PKNOX2: variants seen among roughly 807,000 people sequenced by gnomAD.
PKNOX2 encodes the protein PBX/knotted 1 homeobox 2.
Under a neutral mutation model 53.1 loss-of-function variants are expected in PKNOX2, and 14 were observed. The ratio of observed to expected loss-of-function variants is 0.26; its 90% CI spans 0.17 to 0.41. The LOEUF (loss-of-function observed/expected upper bound fraction) is 0.41. Ranked by LOEUF, PKNOX2 falls within the 10% of genes least tolerant of loss-of-function variation. The pLI is 1.00. For missense variants in PKNOX2, 496 were observed against 602.8 expected (o/e 0.82, Z 1.85); for synonymous variants, 257 against 242.8 (o/e 1.06, Z -0.54).
At chr11:125,334,966 G>A (rs1285499207) in intron 3 of PKNOX2, among the ~76,000 whole-genome samples, 1 of 152,054 alleles carries the variant, frequency 6.6e-6, no homozygotes, top group East Asian at 1.9e-4. Flanking sequence ...ACCTCATGGG[G>A]CTTCTGTGCA....
chr11:125,231,718 T>TGG lies in PKNOX2; in HGVS notation c.-200-3322_-200-3321dup, dbSNP rs1432042594. 6.1e-4 allele frequency among the ~76,000 whole-genome samples: 93 copies of TGG among 151,552 alleles called. 1 individual carries two copies. Among genetic ancestry groups the TGG allele is most frequent in the Middle Eastern group, 3.4e-3 (1 of 294 alleles). ...ATGTGCTTACACACACAGGTGTGTG[T>TGG]GGGGGGTGTGTGTGTGTGTGTGGAG... On this transcript the variant is annotated intron_variant, in intron 1 of 12. Transcript: ENST00000298282.
intron 5 of PKNOX2, among the ~76,000 whole-genome samples, chr11:125,384,998 C>A (rs1240775953): frequency 6.6e-6 from 1 of 152,080 alleles, no homozygotes; most frequent in Admixed American, 6.5e-5. Context: ...CTGAGTCTAC[C>A]AAGACTCAGG....
chr11:125,169,449 G>A (rs1445851308), intron 1 of PKNOX2, among the ~76,000 whole-genome samples: 2 of 152,142 alleles, frequency 1.3e-5, no homozygotes, highest in Non-Finnish European at 2.9e-5. Context: ...GGTGGGAAAG[G>A]GAGGAAGGAG....
chr11:125,178,609 G>GGAAGGAAA (rs1555108355), intron 1 of PKNOX2, among the ~76,000 whole-genome samples: 15 of 46,258 alleles, frequency 3.2e-4, no homozygotes, highest in Admixed American at 4.3e-4. Flanking sequence ...AAGGAAGGAA[G>GGAAGGAAA]GAAAGAAAGA....
chr11:125,297,813 C>T (rs898252053), intron 2 of PKNOX2, among the ~76,000 whole-genome samples: 1 of 152,202 alleles, frequency 6.6e-6, no homozygotes, highest in African/African-American at 2.4e-5. Flanking sequence ...AGGCTCAGCT[C>T]AGCGTCATCT....
intron 9 of PKNOX2, 175 bp downstream of exon 9, chr11:125,411,051 A>G (rs570367266): frequency 3.4e-5 from 20 of 586,180 alleles, no homozygotes; most frequent in Middle Eastern, 6.8e-4. Flanking sequence ...GGTTTTATCA[A>G]CTCCTGGGAT....
chr11:125,387,773 G>A (rs73027822), intron 6 of PKNOX2, among the ~76,000 whole-genome samples: 12,783 of 152,184 alleles, frequency 0.084, 752 homozygotes, highest in Non-Finnish European at 0.13. Context: ...GGGTGCACCT[G>A]ATTTATCTAG....
chr11:125,221,941 T>A (rs1443842422), intron 1 of PKNOX2, among the ~76,000 whole-genome samples: 3 of 152,322 alleles, frequency 2.0e-5, no homozygotes, highest in African/African-American at 7.2e-5. Context: ...GTTGCGTACC[T>A]GAGGCAGAGA....
intron 2 of PKNOX2, among the ~76,000 whole-genome samples, chr11:125,295,430 ATG>A (rs1423731873): frequency 1.3e-5 from 2 of 152,178 alleles, no homozygotes; most frequent in Admixed American, 1.3e-4. Context: ...GTGTGTGTGC[ATG>A]TGTCCATACA....
At chr11:125,419,552 T>G (rs897858755) in intron 10 of PKNOX2, among the ~76,000 whole-genome samples, 1 of 151,876 alleles carries the variant, frequency 6.6e-6, no homozygotes, top group Non-Finnish European at 1.5e-5. Context: ...TCATACTGTC[T>G]GAAATTCCAC....
chr11:125,345,003 A>G (rs1429831649), intron 3 of PKNOX2, among the ~76,000 whole-genome samples: 1 of 152,076 alleles, frequency 6.6e-6, no homozygotes, highest in East Asian at 1.9e-4. Context: ...GCCCCACTCC[A>G]AGCCTGACCT....
At chr11:125,357,743 G>C (rs930486639) in intron 4 of PKNOX2, among the ~76,000 whole-genome samples, 2 of 152,042 alleles carry the variant, frequency 1.3e-5, no homozygotes, top group African/African-American at 4.8e-5. Context: ...TGAAGTCTGT[G>C]GTCTGAAGAG....
chr11:125,232,341 T>G (rs1469937876), intron 1 of PKNOX2, among the ~76,000 whole-genome samples: 3 of 152,356 alleles, frequency 2.0e-5, no homozygotes, highest in African/African-American at 7.2e-5. Context: ...ACAGCAGAGA[T>G]AGCTAACATT....
At chr11:125,186,497 A>G (rs1047215330) in intron 1 of PKNOX2, among the ~76,000 whole-genome samples, 9 of 152,044 alleles carry the variant, frequency 5.9e-5, no homozygotes, top group Admixed American at 1.3e-4. Flanking sequence ...ACCAAAAAAT[A>G]AAAAATTAGC....
In PKNOX2 at chr11:125,165,898, G is replaced by T. The variant is rs944725017; in HGVS notation, c.-201+1122G>T. Among the ~76,000 whole-genome samples, 2 of 152,204 alleles carry T rather than the reference G, an allele frequency of 1.3e-5. No homozygotes were observed. Among genetic ancestry groups the T allele is most frequent in the Non-Finnish European group, 2.9e-5 (2 of 68,024 alleles). ...GCATTTCTTTCGGGTTAGGAGACGG[G>T]CTTTCCTGGCTCCCGATCCCCAGGA... On this transcript the variant is annotated intron_variant, in intron 1 of 12. Transcript: ENST00000298282. This position sits in a 1 kb window ranked among gnomAD's most constrained non-coding sequence, Gnocchi z 4.5.
chr11:125,314,724 A>AGCCCT (rs1413682981), intron 2 of PKNOX2, among the ~76,000 whole-genome samples: 5 of 152,004 alleles, frequency 3.3e-5, no homozygotes, highest in South Asian at 2.1e-4. Context: ...CTGCTTCCCC[A>AGCCCT]GCCCTGCCCT....
intron 4 of PKNOX2, among the ~76,000 whole-genome samples, chr11:125,356,555 G>A (rs2136225488): frequency 6.6e-6 from 1 of 152,310 alleles, no homozygotes; most frequent in African/African-American, 2.4e-5. Flanking sequence ...CCCTCAGAGT[G>A]GGGAGAATGG....
rs545356166 is a variant in PKNOX2, at chr11:125,408,324, C to G, written c.589-1872C>G. Among the ~76,000 whole-genome samples the G allele has an allele frequency of 4.6e-5, 7 of 152,356 alleles. No individual in the cohort carries two copies. In the South Asian group the frequency reaches 1.5e-3, roughly 32 times the overall value. On this transcript the variant is annotated intron_variant, in intron 7 of 12. Coordinates refer to ENST00000298282, the MANE Select transcript of PKNOX2 (RefSeq NM_001382323.2). Reference sequence around the variant, plus strand: ...GAACAGAAAGGCCAAGAGCTCTGCTCAAAGTATAAGCTTCACGGGCTAGGC... The same window carrying G: ...GAACAGAAAGGCCAAGAGCTCTGCTGAAAGTATAAGCTTCACGGGCTAGGC...
At chr11:125,243,920 C>G (rs1474525007) in intron 2 of PKNOX2, among the ~76,000 whole-genome samples, 1 of 152,200 alleles carries the variant, frequency 6.6e-6, no homozygotes, top group Non-Finnish European at 1.5e-5. Flanking sequence ...CCATGCCCAG[C>G]CTGTACCTGG....
Sources: gnomAD v4.1 joint callset for allele counts (sites outside exome capture counted in the v4.1 genomes callset) on GRCh38, gnomAD v4.1.1 for gene constraint, Gnocchi (gnomAD v3.1) non-coding constraint, MANE v1.5 for transcripts, NCBI Gene and HGNC (gene_info 2026-07-23, HGNC 2026-07-21) for gene names.